The following OLFM3 variants were observed in gnomAD, a reference collection of about 807,000 sequenced individuals.
The protein encoded by OLFM3 is noelin-3.
Under a neutral mutation model 48.6 loss-of-function variants are expected in OLFM3, and 20 were observed. That is an observed-to-expected ratio of 0.41 (90% confidence interval 0.29 to 0.60). The LOEUF (loss-of-function observed/expected upper bound fraction) is 0.60, where lower values mean the gene tolerates loss of function less well. OLFM3 is among the 20% of genes least tolerant of loss of function. The probability of loss-of-function intolerance (pLI) is 0.28; values close to 1 mark genes in which losing one functional copy is unlikely to be tolerated. For missense variants in OLFM3, 437 were observed against 544.3 expected (o/e 0.80, Z 1.96); for synonymous variants, 222 against 198.1 (o/e 1.12, Z -1.01).
At chr1:101,974,915 C>T (rs1158932395) in intron 1 of OLFM3, among the ~76,000 whole-genome samples, 1 of 152,116 alleles carries the variant, frequency 6.6e-6, no homozygotes, top group South Asian at 2.1e-4. Context: ...TGTTGTTCTT[C>T]AGGGTTCTTT....
intron 1 of OLFM3, among the ~76,000 whole-genome samples, chr1:101,966,350 T>TGTGTGTGC (rs542204512): frequency 3.0e-5 from 3 of 99,908 alleles, no homozygotes; most frequent in Non-Finnish European, 4.5e-5. Context: ...TGTGTGTGTG[T>TGTGTGTGC]GCGCTACAGA....
intron 4 of OLFM3, among the ~76,000 whole-genome samples, chr1:101,824,671 AACAAC>A (rs1005816516): frequency 7.3e-5 from 11 of 151,678 alleles, no homozygotes; most frequent in Admixed American, 2.6e-4. Context: ...CAACAACAAC[AACAAC>A]AACAACAAAA....
intron 1 of OLFM3, among the ~76,000 whole-genome samples, chr1:101,988,112 T>C (rs1661302909): frequency 6.6e-6 from 1 of 152,126 alleles, no homozygotes; most frequent in African/African-American, 2.4e-5. Flanking sequence ...GATAATAATT[T>C]AAACAGAACC....
chr1:101,809,025 T>C (rs1653919446), intron 4 of OLFM3, among the ~76,000 whole-genome samples: 1 of 150,458 alleles, frequency 6.6e-6, no homozygotes, highest in South Asian at 2.1e-4. Flanking sequence ...AAAAGAGTTA[T>C]CTCCAAAATA....
intron 1 of OLFM3, among the ~76,000 whole-genome samples, chr1:101,926,870 G>C (rs971345581): frequency 3.3e-5 from 5 of 152,058 alleles, no homozygotes; most frequent in Non-Finnish European, 2.9e-5. Context: ...TTTTTAAAAG[G>C]CTTACTATTT....
At chr1:101,890,908 GA>G (rs1276828440) in intron 1 of OLFM3, among the ~76,000 whole-genome samples, 1 of 151,826 alleles carries the variant, frequency 6.6e-6, no homozygotes, top group Non-Finnish European at 1.5e-5. Flanking sequence ...AACACTGTTG[GA>G]AAAAAATTTG....
At chr1:101,911,488 G>A (rs74107128) in intron 1 of OLFM3, among the ~76,000 whole-genome samples, 16,311 of 152,062 alleles carry the variant, frequency 0.11, 1,497 homozygotes, top group East Asian at 0.36. Flanking sequence ...TGATGACATG[G>A]CTACCTATTA....
chr1:101,811,616 G>T (rs1321978285), intron 4 of OLFM3, among the ~76,000 whole-genome samples: 1 of 152,144 alleles, frequency 6.6e-6, no homozygotes, highest in Non-Finnish European at 1.5e-5. Context: ...TCAGAGAAAT[G>T]CAAATCAAAA....
intron 1 of OLFM3, among the ~76,000 whole-genome samples, chr1:101,898,776 G>T (rs1658291320): frequency 6.6e-6 from 1 of 152,082 alleles, no homozygotes; most frequent in South Asian, 2.1e-4. Flanking sequence ...TTGAGTCTGG[G>T]AGGCAGAGGC....
chr1:101,890,232 G>GATCTTGGAAAATAGCTACTA (rs1469861551), intron 1 of OLFM3, among the ~76,000 whole-genome samples: 1 of 151,988 alleles, frequency 6.6e-6, no homozygotes, highest in African/African-American at 2.4e-5. Flanking sequence ...AGCTTTTAAT[G>GATCTTGGAAAATAGCTACTA]ATCTTGGAAA....
intron 1 of OLFM3, among the ~76,000 whole-genome samples, chr1:101,924,719 A>T (rs1336804): frequency 0.82 from 124,686 of 152,156 alleles, 52,743 homozygotes; most frequent in Middle Eastern, 0.93. Context: ...ATAATGGTTA[A>T]TTTTAAATTC....
chr1:101,854,095 A>T (rs1017302468), intron 1 of OLFM3, among the ~76,000 whole-genome samples: 3 of 152,040 alleles, frequency 2.0e-5, no homozygotes, highest in Admixed American at 2.0e-4. Flanking sequence ...TTCACTATCT[A>T]TATGTATATC....
chr1:101,881,557 T>G (rs1404442492), intron 1 of OLFM3, among the ~76,000 whole-genome samples: 2 of 151,886 alleles, frequency 1.3e-5, no homozygotes, highest in Non-Finnish European at 2.9e-5. Context: ...TTTTAAAAAT[T>G]GGATAGTATA....
chr1:101,846,971 C>T, intron 1 of OLFM3: 6 of 1,610,956 alleles, frequency 3.7e-6, no homozygotes, highest in Non-Finnish European at 5.1e-6. Flanking sequence ...GTGGAGGACT[C>T]ATTGCTGTGG....
intron 1 of OLFM3, among the ~76,000 whole-genome samples, chr1:101,896,946 A>G (rs2101013400): frequency 6.6e-6 from 1 of 152,266 alleles, no homozygotes; most frequent in African/African-American, 2.4e-5. Context: ...TCACAAAATG[A>G]TCCAGAACAC....
intron 4 of OLFM3, among the ~76,000 whole-genome samples, chr1:101,824,168 T>G (rs1462282249): frequency 6.6e-6 from 1 of 152,030 alleles, no homozygotes; most frequent in Non-Finnish European, 1.5e-5. Flanking sequence ...CAAAAGAATT[T>G]ATTTATCTTG....
chr1:101,957,647 C>T (rs895023867), intron 1 of OLFM3, among the ~76,000 whole-genome samples: 6 of 151,890 alleles, frequency 4.0e-5, no homozygotes, highest in Admixed American at 3.9e-4. Flanking sequence ...TCTTTTTCTT[C>T]CTTGAAATTT....
chr1:101,840,274 T>C lies in OLFM3; in HGVS notation c.70-3249A>G, dbSNP rs555356802. Among the ~76,000 whole-genome samples, 6 of 152,306 alleles carry C rather than the reference T, an allele frequency of 3.9e-5. No homozygotes were observed. The East Asian group carries it at 5.8e-4, about 15-fold the overall frequency. On this transcript the variant is annotated intron_variant, in intron 1 of 5. Coordinates refer to ENST00000370103, the MANE Select transcript of OLFM3 (RefSeq NM_058170.4). ...ATTACCTGGCAGTTCATATGTGCTA[T>C]TGCTTTCGAATATTATAATACACCT... is the stretch of plus-strand genomic sequence containing the variant.
At chr1:101,879,015 A>C (rs7528218) in intron 1 of OLFM3, among the ~76,000 whole-genome samples, 89,975 of 151,584 alleles carry the variant, frequency 0.59, 27,346 homozygotes, top group African/African-American at 0.7. Flanking sequence ...AGGAATATCA[A>C]CAAGGGAGGG....
Sources: gnomAD v4.1 joint callset for allele counts (sites outside exome capture counted in the v4.1 genomes callset) on GRCh38, gnomAD v4.1.1 for gene constraint, MANE v1.5 for transcripts, NCBI Gene and HGNC (gene_info 2026-07-23, HGNC 2026-07-21) for gene names.